SPICE1: variants seen among roughly 807,000 people sequenced by gnomAD.
The protein encoded by SPICE1 is spindle and centriole associated protein 1.
SPICE1 carries 75 observed loss-of-function variants against 102.7 expected under a neutral mutation model. The ratio of observed to expected loss-of-function variants is 0.73; its 90% CI spans 0.61 to 0.88. The LOEUF (loss-of-function observed/expected upper bound fraction) is 0.88. Among genes scored for constraint, SPICE1 ranks in the 40% least tolerant of loss-of-function variants. The pLI is 0.00. For synonymous variants in SPICE1, 308 were observed against 350.3 expected (o/e 0.88, Z 1.35); for missense variants, 979 against 1,020.1 (o/e 0.96, Z 0.55).
intron 3 of SPICE1, among the ~76,000 whole-genome samples, chr3:113,499,974 G>T (rs1936977655): frequency 6.6e-6 from 1 of 151,654 alleles, no homozygotes; most frequent in African/African-American, 2.4e-5. Context: ...CACACTAACT[G>T]AGCACAATGT....
chr3:113,511,748 G>A (rs76100733), intron 1 of SPICE1, among the ~76,000 whole-genome samples: 6,582 of 152,074 alleles, frequency 0.043, 172 homozygotes, highest in East Asian at 0.082. Context: ...TGCACATACC[G>A]CACGTGTACC....
chr3:113,514,978 G>A lies in SPICE1; in HGVS notation c.-82C>T. The A allele has an allele frequency of 1.8e-6, 1 of 568,142 alleles. No individual in the cohort carries two copies. Among genetic ancestry groups the A allele is most frequent in the East Asian group, 8.2e-5 (1 of 12,244 alleles). The allele number at this position is 568,142 out of a possible 1,614,324, so 35.2% of individuals were successfully genotyped here. A position where few individuals can be genotyped will look rare whatever the true frequency, so the allele number is the denominator to read the frequency against. ...CCGGGCGCCTGGATCCCAGGCAACA[G>A]ACAGATGCCACCACCGTTCTCCCCA... is the stretch of plus-strand genomic sequence containing the variant. On this transcript the variant is annotated 5_prime_UTR_variant, in exon 1 of 18. Coordinates refer to ENST00000295872, the MANE Select transcript of SPICE1 (RefSeq NM_144718.4).
chr3:113,494,043 G>T lies in SPICE1; in HGVS notation c.385+6C>A. ...AAATAGAGAAGCTTTTGTTTGAATTGAATACCTGTGCGCCTACGAGGAAAC... is the reference window on the plus strand; with the variant it reads ...AAATAGAGAAGCTTTTGTTTGAATTTAATACCTGTGCGCCTACGAGGAAAC... On this transcript the variant is annotated splice_donor_region_variant and intron_variant, in intron 5 of 17. Coordinates refer to ENST00000295872, the MANE Select transcript of SPICE1 (RefSeq NM_144718.4). 2 of 1,585,738 alleles carry T rather than the reference G, an allele frequency of 1.3e-6. No homozygotes were observed. Among genetic ancestry groups the T allele is most frequent in the Non-Finnish European group, 1.7e-6 (2 of 1,163,982 alleles).
chr3:113,500,208 C>T (rs1245198161), intron 3 of SPICE1, among the ~76,000 whole-genome samples: 1 of 152,122 alleles, frequency 6.6e-6, no homozygotes, highest in Admixed American at 6.5e-5. Flanking sequence ...AAGGTGGGTT[C>T]ACTAAGGTTC....
At chr3:113,497,879 CTTTT>C (rs554657969) in intron 4 of SPICE1, among the ~76,000 whole-genome samples, 1 of 131,698 alleles carries the variant, frequency 7.6e-6, no homozygotes. Flanking sequence ...ATCTTTAGGG[CTTTT>C]TTTTTTTTTT....
At chr3:113,460,115 T>C (rs1405649585) in intron 12 of SPICE1, 13 of 985,452 alleles carry the variant, frequency 1.3e-5, no homozygotes, top group Middle Eastern at 1.0e-3. Flanking sequence ...TAGCATATGA[T>C]GGCACATGAG....
intron 6 of SPICE1, among the ~76,000 whole-genome samples, chr3:113,490,417 G>A (rs1249261414): frequency 6.6e-6 from 1 of 152,126 alleles, no homozygotes; most frequent in Non-Finnish European, 1.5e-5. Context: ...CAAGGCAGGA[G>A]GATCATGTGA....
chr3:113,451,638 T>C (rs1935655711), intron 14 of SPICE1, among the ~76,000 whole-genome samples: 1 of 152,192 alleles, frequency 6.6e-6, no homozygotes, highest in Non-Finnish European at 1.5e-5. Flanking sequence ...CTGTCTTTTT[T>C]AAACCAAGAG....
chr3:113,514,378 A>G, intron 1 of SPICE1: 1 of 311,532 alleles, frequency 3.2e-6, no homozygotes, highest in East Asian at 9.2e-5. Context: ...ACCTAAATAC[A>G]TGGATAGAGA....
intron 7 of SPICE1, among the ~76,000 whole-genome samples, chr3:113,483,205 T>C (rs889908567): frequency 5.9e-5 from 9 of 152,314 alleles, no homozygotes; most frequent in Middle Eastern, 3.4e-3. Context: ...GGCTCTCTGT[T>C]TGTCTGTTAT....
intron 16 of SPICE1, 54 bp from the exon 17 acceptor site, chr3:113,446,730 A>G: frequency 7.2e-7 from 1 of 1,393,244 alleles, no homozygotes. Flanking sequence ...TATTAACCTT[A>G]AAAGATTATG....
At position 113,442,745 on chromosome 3, in the gene SPICE1, G is replaced by C. The variant is rs1232325571; in HGVS notation, c.*2562C>G. ...GCTATAATACAATTTGTGTTTATTA[G>C]TTTCCACAATGTTACACAAATACCA... On this transcript the variant is annotated 3_prime_UTR_variant, in exon 18 of 18. Coordinates refer to ENST00000295872, the MANE Select transcript of SPICE1 (RefSeq NM_144718.4). 3 of 152,076 alleles carry C rather than the reference G, an allele frequency of 2.0e-5. No individual in the cohort carries two copies. Among genetic ancestry groups the C allele is most frequent in the African/African-American group, 7.2e-5 (3 of 41,408 alleles). 9.4% of individuals were successfully genotyped at this position (152,076 alleles called of 1,614,324 possible). A position where few individuals can be genotyped will look rare whatever the true frequency, so the allele number is the denominator to read the frequency against.
chr3:113,470,240 T>C (rs1936164661), intron 7 of SPICE1, among the ~76,000 whole-genome samples: 1 of 152,176 alleles, frequency 6.6e-6, no homozygotes, highest in Non-Finnish European at 1.5e-5. Context: ...GGACTTGATG[T>C]TTTGAGAAGT....
rs1354942387 is a variant in SPICE1, at chr3:113,476,720, C to T, written c.612-7482G>A. Among the ~76,000 whole-genome samples, 1,195 of 151,028 alleles carry T rather than the reference C, an allele frequency of 7.9e-3. 18 individuals carry two copies. The highest frequency in any genetic ancestry group is 0.028 in the African/African-American group (1,136 of 40,914). On this transcript the variant is annotated intron_variant, in intron 7 of 17. Coordinates refer to ENST00000295872, the MANE Select transcript of SPICE1 (RefSeq NM_144718.4). ...TATTTAATAAATGGTGCTGGGAAAACTGGCTAGCCATATGGAGAAAGCTGA... is the reference window on the plus strand; with the variant it reads ...TATTTAATAAATGGTGCTGGGAAAATTGGCTAGCCATATGGAGAAAGCTGA...
intron 1 of SPICE1, among the ~76,000 whole-genome samples, chr3:113,511,854 A>G (rs900912596): frequency 2.0e-5 from 3 of 152,198 alleles, no homozygotes; most frequent in Non-Finnish European, 4.4e-5. Context: ...TCAAAGTTAT[A>G]CAAATAATAA....
At chr3:113,481,587 G>GC (rs1288057170) in intron 7 of SPICE1, among the ~76,000 whole-genome samples, 1 of 151,526 alleles carries the variant, frequency 6.6e-6, no homozygotes, top group East Asian at 1.9e-4. Context: ...CCTCCAACAG[G>GC]CCCCGGTGTG....
intron 7 of SPICE1, among the ~76,000 whole-genome samples, chr3:113,486,118 GA>G (rs774530957): frequency 7.8e-4 from 113 of 145,758 alleles, no homozygotes; most frequent in Admixed American, 2.6e-3. Flanking sequence ...CTCAAAAAAT[GA>G]AAAATAAAAT....
At chr3:113,478,320 A>C (rs1469820250) in intron 7 of SPICE1, among the ~76,000 whole-genome samples, 2 of 152,188 alleles carry the variant, frequency 1.3e-5, no homozygotes, top group South Asian at 2.1e-4. Context: ...ACTTAATACA[A>C]AATAATTCCA....
chr3:113,514,481 C>G, intron 1 of SPICE1: 1 of 374,720 alleles, frequency 2.7e-6, no homozygotes, highest in South Asian at 2.0e-5. Context: ...AGACCCTCTC[C>G]CCCATATGGC....
Sources: allele counts gnomAD v4.1 joint callset (sites outside exome capture counted in the v4.1 genomes callset), GRCh38; gene constraint gnomAD v4.1.1; transcripts MANE v1.5; gene names NCBI Gene and HGNC (gene_info 2026-07-23, HGNC 2026-07-21).